The following SPOCK3 variants were observed in gnomAD, a reference collection of about 807,000 sequenced individuals.
SPOCK3 encodes the protein SPARC (osteonectin), cwcv and kazal like domains proteoglycan 3, also known as testican-3.
SPOCK3 carries 30 observed loss-of-function variants against 56.6 expected under a neutral mutation model. That is an observed-to-expected ratio of 0.53 (90% CI 0.40 to 0.72). The LOEUF (loss-of-function observed/expected upper bound fraction) is 0.72. Ranked by LOEUF, SPOCK3 falls within the 30% of genes least tolerant of loss-of-function variation. The pLI is 0.00. For missense variants in SPOCK3, 527 were observed against 530.0 expected (o/e 0.99, Z 0.06); for synonymous variants, 196 against 183.3 (o/e 1.07, Z -0.56).
intron 7 of SPOCK3, among the ~76,000 whole-genome samples, chr4:166,771,063 T>A (rs574714709): frequency 6.7e-6 from 1 of 148,878 alleles, no homozygotes; most frequent in South Asian, 2.1e-4. Context: ...AATATAATAT[T>A]ATATTATATT....
At position 167,054,193 on chromosome 4, in the gene SPOCK3, C is replaced by T. The variant is rs570980726; in HGVS notation, c.235+8299G>A. Among the ~76,000 whole-genome samples, 21 of 152,264 alleles carry T rather than the reference C, an allele frequency of 1.4e-4. No individual in the cohort carries two copies. In the South Asian group the frequency reaches 2.5e-3, roughly 18 times the overall value. On this transcript the variant is annotated intron_variant, in intron 3 of 10. Coordinates refer to ENST00000357545, the MANE Select transcript of SPOCK3 (RefSeq NM_001040159.2). ...TAGGGTACCTCAGTTCAAGCAGATT[C>T]TCTGAGCAACTGTCAAGATTCACTG...
rs1349763602 is a variant in SPOCK3 at position 167,005,202 on chromosome 4, CT to C, written c.236-4740del. 2.6e-5 allele frequency among the ~76,000 whole-genome samples: 4 copies of C among 151,832 alleles called. No homozygotes were observed. In the East Asian group the frequency reaches 5.8e-4, roughly 22 times the overall value. On this transcript the variant is annotated intron_variant, in intron 3 of 10. Transcript: ENST00000357545. Reference sequence around the variant, plus strand: ...GAACAGAATAATGGACAATGATTTTCTTTTTTTTCTTTATTCTTTTTTTTTG... The same window carrying C: ...GAACAGAATAATGGACAATGATTTTCTTTTTTTCTTTATTCTTTTTTTTTG...
chr4:166,829,711 T>C lies in SPOCK3; in HGVS notation c.590-37422A>G, dbSNP rs189825811. ...CAAACAGGACTTATTGACTGTATCA[T>C]CTACGTCTCAGATAGATAATATTGT... On this transcript the variant is annotated intron_variant, in intron 6 of 10. Transcript: ENST00000357545. Among the ~76,000 whole-genome samples, 223 of 152,190 alleles carry C rather than the reference T, an allele frequency of 1.5e-3. 1 individual carries two copies. Among genetic ancestry groups the C allele is most frequent in the African/African-American group, 5.2e-3 (216 of 41,568 alleles).
intron 4 of SPOCK3, among the ~76,000 whole-genome samples, chr4:166,993,435 A>T (rs900917543): frequency 6.6e-6 from 1 of 152,020 alleles, no homozygotes; most frequent in African/African-American, 2.4e-5. Context: ...AGGGCAGCAA[A>T]TTTTTTGAAA....
intron 5 of SPOCK3, among the ~76,000 whole-genome samples, chr4:166,904,717 A>C (rs2127069242): frequency 6.6e-6 from 1 of 152,158 alleles, no homozygotes; most frequent in Middle Eastern, 3.4e-3. Flanking sequence ...GAAGGGGAGA[A>C]AAATAGGGAG....
chr4:167,008,446 A>C (rs566236122), intron 3 of SPOCK3, among the ~76,000 whole-genome samples: 38 of 152,224 alleles, frequency 2.5e-4, no homozygotes, highest in African/African-American at 8.9e-4. Context: ...GCTATGGTAG[A>C]GGATTTGAAT....
At chr4:167,158,921 G>A (rs918798700) in intron 2 of SPOCK3, among the ~76,000 whole-genome samples, 2 of 152,010 alleles carry the variant, frequency 1.3e-5, no homozygotes, top group South Asian at 4.2e-4. Context: ...ACCTACTCAT[G>A]CAAACTAGAA....
At chr4:166,750,705 A>G (rs1736263360) in intron 8 of SPOCK3, among the ~76,000 whole-genome samples, 1 of 152,164 alleles carries the variant, frequency 6.6e-6, no homozygotes, top group Non-Finnish European at 1.5e-5. Context: ...GTAACAATGC[A>G]CTTTTATTTA....
chr4:167,103,232 T>C (rs1759812335), intron 2 of SPOCK3, among the ~76,000 whole-genome samples: 1 of 151,974 alleles, frequency 6.6e-6, no homozygotes, highest in African/African-American at 2.4e-5. Flanking sequence ...TTGAGTAAGA[T>C]TTTTGAGAAA....
intron 4 of SPOCK3, among the ~76,000 whole-genome samples, chr4:166,959,525 ATTG>A (rs2150053791): frequency 6.6e-6 from 1 of 152,134 alleles, no homozygotes; most frequent in African/African-American, 2.4e-5. Flanking sequence ...AGGCAGGAGA[ATTG>A]TTGAACCCAG....
intron 3 of SPOCK3, among the ~76,000 whole-genome samples, chr4:167,006,708 TTAAC>T (rs1749502457): frequency 6.6e-6 from 1 of 152,180 alleles, no homozygotes; most frequent in South Asian, 2.1e-4. Context: ...GGGGAAACCT[TTAAC>T]TATTTGATCT....
At chr4:167,034,979 A>G (rs1344365579) in intron 3 of SPOCK3, among the ~76,000 whole-genome samples, 3 of 152,092 alleles carry the variant, frequency 2.0e-5, no homozygotes, top group Non-Finnish European at 2.9e-5. Context: ...TCCCAGGTTA[A>G]TATCTACTCA....
intron 6 of SPOCK3, among the ~76,000 whole-genome samples, chr4:166,851,624 G>A (rs1237145405): frequency 6.6e-6 from 1 of 152,216 alleles, no homozygotes; most frequent in Non-Finnish European, 1.5e-5. Context: ...AGTGCTTAAA[G>A]GAGCTGATGG....
Position 167,107,606 on chromosome 4 carries a change from G to A in SPOCK3, c.190-45069C>T, listed in dbSNP as rs564935587. Among the ~76,000 whole-genome samples, 7 of 151,790 alleles carry A rather than the reference G, an allele frequency of 4.6e-5. No individual in the cohort carries two copies. The South Asian group carries it at 1.2e-3, about 27-fold the overall frequency. On this transcript the variant is annotated intron_variant, in intron 2 of 10. Coordinates refer to ENST00000357545, the MANE Select transcript of SPOCK3 (RefSeq NM_001040159.2). ...TGGGAACACGGTAAGGATGCCCACT[G>A]TCACCAGACAAGAGAGAGATATAAA...
chr4:167,125,081 TACTA>T (rs1215480195), intron 2 of SPOCK3, among the ~76,000 whole-genome samples: 1 of 152,076 alleles, frequency 6.6e-6, no homozygotes, highest in East Asian at 1.9e-4. Context: ...GTCCCTTGCT[TACTA>T]TATTTTTTCC....
intron 8 of SPOCK3, among the ~76,000 whole-genome samples, chr4:166,745,188 A>C (rs1351826677): frequency 2.6e-5 from 4 of 152,202 alleles, no homozygotes; most frequent in Non-Finnish European, 5.9e-5. Flanking sequence ...CATAATTTTC[A>C]TATGCACCAA....
At chr4:167,005,790 C>A (rs1368527730) in intron 3 of SPOCK3, among the ~76,000 whole-genome samples, 1 of 151,988 alleles carries the variant, frequency 6.6e-6, no homozygotes, top group African/African-American at 2.4e-5. Context: ...CTTGCAAATA[C>A]TTGTGAAAAT....
chr4:166,918,480 T>C (rs1297480239), intron 4 of SPOCK3: 1 of 152,122 alleles, frequency 6.6e-6, no homozygotes, highest in Admixed American at 6.6e-5. Context: ...GGTATAGAAT[T>C]AGGCTGTAGA....
intron 3 of SPOCK3, among the ~76,000 whole-genome samples, chr4:167,057,688 G>A (rs1389790041): frequency 2.6e-5 from 4 of 152,142 alleles, no homozygotes; most frequent in Admixed American, 2.6e-4. Flanking sequence ...AAGAGACAAA[G>A]AAGGCCATTA....
Sources: allele counts gnomAD v4.1 joint callset (sites outside exome capture counted in the v4.1 genomes callset), GRCh38; gene constraint gnomAD v4.1.1; transcripts MANE v1.5; gene names NCBI Gene and HGNC (gene_info 2026-07-23, HGNC 2026-07-21).